The following ZNF44 variants were observed in gnomAD, a reference collection of about 807,000 sequenced individuals.
ZNF44 encodes the protein gonadotropin inducible transcription repressor-2.
ZNF44 carries 9 observed loss-of-function variants against 11.7 expected under a neutral mutation model. The observed-to-expected ratio is 0.77, with a 90% CI of 0.46 to 1.35. The LOEUF (loss-of-function observed/expected upper bound fraction) is 1.35. Among genes scored for constraint, ZNF44 ranks in the 40% most tolerant of loss-of-function variants. The pLI is 0.00. For synonymous variants in ZNF44, 224 were observed against 242.7 expected (o/e 0.92, Z 0.72); for missense variants, 696 against 743.1 (o/e 0.94, Z 0.74).
chr19:12,256,418 G>A (rs1315164996), intron 5 of ZNF44, among the ~76,000 whole-genome samples: 1 of 152,124 alleles, frequency 6.6e-6, no homozygotes, highest in Non-Finnish European at 1.5e-5. Flanking sequence ...GAACCTGGGA[G>A]GCGGAGATTG....
At chr19:12,247,554 T>C (rs1447014163), downstream of ZNF44, 1 of 1,347,408 alleles carries the variant, frequency 7.4e-7, no homozygotes, top group Admixed American at 2.0e-5. Flanking sequence ...GGTTCTTTCA[T>C]GTATCTGGAA....
At chr19:12,278,792 T>G (rs929520696) in intron 1 of ZNF44, among the ~76,000 whole-genome samples, 1 of 152,108 alleles carries the variant, frequency 6.6e-6, no homozygotes, top group African/African-American at 2.4e-5. Flanking sequence ...GGTATAATTT[T>G]TCTTTACAAA....
At chr19:12,249,109 G>C (rs1916880949) in intron 7 of ZNF44, among the ~76,000 whole-genome samples, 1 of 151,884 alleles carries the variant, frequency 6.6e-6, no homozygotes, top group South Asian at 2.1e-4. Flanking sequence ...GGCTGGTCTT[G>C]AACTCCTGAC....
At chr19:12,236,236 C>A (rs1168400312) in intron 1 of ZNF44, among the ~76,000 whole-genome samples, 1 of 152,144 alleles carries the variant, frequency 6.6e-6, no homozygotes, top group Non-Finnish European at 1.5e-5. Flanking sequence ...GGATTTGAGA[C>A]CTGCGTCCCA....
At chr19:12,294,456 C>CGCCGGG (rs930597900) in intron 1 of ZNF44, among the ~76,000 whole-genome samples, 60 of 152,342 alleles carry the variant, frequency 3.9e-4, no homozygotes, top group Admixed American at 1.2e-3. Context: ...CAGAGAGGGG[C>CGCCGGG]GCCGGGGCCG....
At chr19:12,229,239 T>C (rs1005558143) in intron 3 of ZNF44, among the ~76,000 whole-genome samples, 16 of 152,158 alleles carry the variant, frequency 1.1e-4, no homozygotes, top group African/African-American at 3.9e-4. Context: ...CTTATTGGCC[T>C]TTGGGTGGTG....
chr19:12,256,038 A>C (rs942874224), intron 5 of ZNF44, among the ~76,000 whole-genome samples: 11 of 52,014 alleles, frequency 2.1e-4, no homozygotes, highest in African/African-American at 1.0e-3. Context: ...ACTCTGTCTC[A>C]AAAAAAAAAA....
chr19:12,250,173 G>A (rs964401920), intron 6 of ZNF44: 1 of 1,272,626 alleles, frequency 7.9e-7, no homozygotes, highest in Admixed American at 2.6e-5. Flanking sequence ...TCTTGGAATA[G>A]CATTGATATC....
At chr19:12,289,388 A>C (rs1427195416) in intron 1 of ZNF44, among the ~76,000 whole-genome samples, 1 of 152,116 alleles carries the variant, frequency 6.6e-6, no homozygotes, top group Non-Finnish European at 1.5e-5. Context: ...GATTTTTGAC[A>C]CACCCTCAGC....
In ZNF44 at chr19:12,273,077, T is replaced by A; in HGVS notation, c.1178A>T (p.His393Leu). 2 of 1,614,046 alleles carry A rather than the reference T, an allele frequency of 1.2e-6. No individual in the cohort carries two copies. The highest frequency in any genetic ancestry group is 1.7e-6 in the Non-Finnish European group (2 of 1,179,938). Reference sequence around the variant, plus strand: ...GGCTTTCCCACATACTGTGCATTTATGAGGGCCATCTCCAGTGTGTGCCAT... The same window carrying A: ...GGCTTTCCCACATACTGTGCATTTAAGAGGGCCATCTCCAGTGTGTGCCAT... Reference protein sequence around the residue: ...HMMAHTGDGPHKCTVCGKAFD... With the variant: ...HMMAHTGDGPLKCTVCGKAFD... Residue 393 changes from histidine to leucine, a missense_variant, in exon 4 of 4, where the codon CAT becomes CTT. By Grantham distance (99) the His-to-Leu change is moderately conservative (BLOSUM62 -3). Coordinates refer to ENST00000355684, the MANE Select transcript of ZNF44 (RefSeq NM_016264.4).
intron 5 of ZNF44, among the ~76,000 whole-genome samples, chr19:12,252,058 A>AC (rs548878404): frequency 6.6e-6 from 1 of 152,222 alleles, no homozygotes; most frequent in East Asian, 1.9e-4. Context: ...TCTCAAAAAA[A>AC]AAAAAAAACA....
At chr19:12,271,322 A>G (rs1212346334), downstream of ZNF44, among the ~76,000 whole-genome samples, 1 of 152,236 alleles carries the variant, frequency 6.6e-6, no homozygotes, top group East Asian at 1.9e-4. Flanking sequence ...TTCTAACTAA[A>G]TATCTGCAAA....
At chr19:12,243,955 C>T (rs2145685724), downstream of ZNF44, among the ~76,000 whole-genome samples, 1 of 151,930 alleles carries the variant, frequency 6.6e-6, no homozygotes, top group South Asian at 2.1e-4. Context: ...TGTATGTCTT[C>T]TTTGAAAAAA....
chr19:12,243,072 TCA>T (rs762910067), downstream of ZNF44, among the ~76,000 whole-genome samples: 17 of 152,244 alleles, frequency 1.1e-4, no homozygotes, highest in Admixed American at 3.3e-4. Flanking sequence ...ACAGAAAAAT[TCA>T]CAGTTAACTG....
chr19:12,260,250 C>T (rs1917448259), intron 5 of ZNF44: 5 of 812,628 alleles, frequency 6.2e-6, no homozygotes, highest in Admixed American at 1.7e-5. Context: ...CTACAACGGG[C>T]TGATTCACCA....
chr19:12,251,770 G>T (rs1204229114), intron 5 of ZNF44, among the ~76,000 whole-genome samples: 1 of 152,088 alleles, frequency 6.6e-6, no homozygotes, highest in Non-Finnish European at 1.5e-5. Flanking sequence ...GCAGTTTACA[G>T]GCCAGGCGCG....
chr19:12,254,659 A>C (rs1373121423), intron 5 of ZNF44, among the ~76,000 whole-genome samples: 3 of 151,004 alleles, frequency 2.0e-5, no homozygotes, highest in Non-Finnish European at 4.4e-5. Context: ...TGCTTGAACC[A>C]GGGAAGTGGA....
At chr19:12,236,902 G>T (rs890371228) in intron 1 of ZNF44, among the ~76,000 whole-genome samples, 4 of 152,158 alleles carry the variant, frequency 2.6e-5, no homozygotes, top group African/African-American at 9.7e-5. Flanking sequence ...ACCTTTGGTT[G>T]ACAGACCAAA....
intron 5 of ZNF44, among the ~76,000 whole-genome samples, chr19:12,262,065 T>C (rs1421340899): frequency 6.6e-6 from 1 of 152,110 alleles, no homozygotes; most frequent in Non-Finnish European, 1.5e-5. Flanking sequence ...ACAAATTGCA[T>C]CATATTTTAT....
Sources: allele counts gnomAD v4.1 joint callset (sites outside exome capture counted in the v4.1 genomes callset), GRCh38; gene constraint gnomAD v4.1.1; transcripts MANE v1.5; gene names NCBI Gene and HGNC (gene_info 2026-07-23, HGNC 2026-07-21).